CBY1: variants seen among roughly 807,000 people sequenced by gnomAD.
CBY1 encodes protein chibby homolog 1.
In CBY1, 10 loss-of-function variants were observed where a neutral mutation model predicts 15.6. That is an observed-to-expected ratio of 0.64 (90% CI 0.40 to 1.09). The LOEUF (loss-of-function observed/expected upper bound fraction) is 1.09, where lower values mean the gene tolerates loss of function less well. CBY1 is among the 50% of genes least tolerant of loss of function. CBY1 has a pLI of 0.01. For missense variants in CBY1, 150 were observed against 160.5 expected, an observed-to-expected ratio of 0.93 and a Z score of 0.35; for synonymous variants, 61 against 63.5, an observed-to-expected ratio of 0.96 and a Z score of 0.19.
chr22:38,667,927 C>G, intron 1 of CBY1, 90 bp from the exon 2 acceptor site: 1 of 674,632 alleles, frequency 1.5e-6, no homozygotes, highest in Non-Finnish European at 2.6e-6. Context: ...TTAGTAGCCA[C>G]ATGATAAAAT....
Position 38,656,646 on chromosome 22 carries a change from G to A in CBY1, c.-143G>A, listed in dbSNP as rs1390038105. On this transcript the variant is annotated 5_prime_UTR_variant, in exon 1 of 5. Transcript: ENST00000216029. ...GCCGGGCGGGGCAGCGCATGCGCGT[G>A]GCGGGCAGGCGGCAGGAGGCGGGTG... 1 of 152,448 alleles carries A rather than the reference G, an allele frequency of 6.6e-6. No homozygotes were observed. Among genetic ancestry groups the A allele is most frequent in the Non-Finnish European group, 1.5e-5 (1 of 68,260 alleles). 9.4% of individuals were successfully genotyped at this position (152,448 alleles called of 1,614,324 possible).
chr22:38,659,727 T>C (rs2092416351), intron 1 of CBY1, among the ~76,000 whole-genome samples: 1 of 151,758 alleles, frequency 6.6e-6, no homozygotes, highest in Admixed American at 6.6e-5. Context: ...CCAGGTGTGG[T>C]GGCAGGCGCC....
At chr22:38,665,949 G>A (rs2092434581) in intron 1 of CBY1, among the ~76,000 whole-genome samples, 1 of 151,612 alleles carries the variant, frequency 6.6e-6, no homozygotes, top group South Asian at 2.1e-4. Context: ...GCACAGAGCA[G>A]GGCTCTGTCT....
At position 38,656,667 on chromosome 22, in the gene CBY1, G is replaced by A. The variant is rs1303420290; in HGVS notation, c.-122G>A. Reference sequence around the variant, plus strand: ...GCGTGGCGGGCAGGCGGCAGGAGGCGGGTGGGTCAAGGTAACTCTGGGCTA... The same window carrying A: ...GCGTGGCGGGCAGGCGGCAGGAGGCAGGTGGGTCAAGGTAACTCTGGGCTA... On this transcript the variant is annotated 5_prime_UTR_variant, in exon 1 of 5. Coordinates refer to ENST00000216029, the MANE Select transcript of CBY1 (RefSeq NM_015373.4). 1 of 152,530 alleles carries A rather than the reference G, an allele frequency of 6.6e-6. No individual in the cohort carries two copies. Among genetic ancestry groups the A allele is most frequent in the Non-Finnish European group, 1.5e-5 (1 of 68,316 alleles). The allele number at this position is 152,530 out of a possible 1,614,324, so 9.4% of individuals were successfully genotyped here.
In CBY1 at chr22:38,673,028, T is replaced by C. The variant is rs563133315; in HGVS notation, c.304-131T>C. 4.8e-6 allele frequency: 3 copies of C among 623,998 alleles called. No homozygotes were observed. The Admixed American group carries it at 7.0e-5, about 15-fold the overall frequency. 38.7% of individuals were successfully genotyped at this position (623,998 alleles called of 1,614,324 possible). A position where few individuals can be genotyped will look rare whatever the true frequency, so the allele number is the denominator to read the frequency against. The stretch of plus-strand genomic sequence containing the variant: ...GCATTCTACCCAGTTACAGAGGGTT[T>C]CCCATCGAGGAAGCCAGCAGCATCA... On this transcript the variant is annotated intron_variant, in intron 4 of 4. Transcript: ENST00000216029.
intron 2 of CBY1, chr22:38,669,589 G>C (rs2092446620): frequency 6.6e-6 from 1 of 152,196 alleles, no homozygotes; most frequent in African/African-American, 2.4e-5. Context: ...CAAAGCATAG[G>C]CCTGGGATGG....
At position 38,673,560 on chromosome 22, in the gene CBY1, G is replaced by A. The variant is rs1487966488; in HGVS notation, c.*324G>A. 2.7e-5 allele frequency: 7 copies of A among 261,896 alleles called. No individual in the cohort carries two copies. Among genetic ancestry groups the A allele is most frequent in the Non-Finnish European group, 4.6e-5 (6 of 129,080 alleles). 16.2% of individuals were successfully genotyped at this position (261,896 alleles called of 1,614,324 possible). ...CACATGTCCCAGAATAGCTCTGTTGGGTTGTGTTGGGAGAAGCGGCTGGAG... is the reference window on the plus strand; with the variant it reads ...CACATGTCCCAGAATAGCTCTGTTGAGTTGTGTTGGGAGAAGCGGCTGGAG... On this transcript the variant is annotated 3_prime_UTR_variant, in exon 5 of 5. Transcript: ENST00000216029.
intron 2 of CBY1, among the ~76,000 whole-genome samples, chr22:38,669,117 C>G (rs1351987917): frequency 6.6e-6 from 1 of 152,236 alleles, no homozygotes; most frequent in Non-Finnish European, 1.5e-5. Context: ...TTTCCACATG[C>G]TGACAGGTAC....
intron 1 of CBY1, among the ~76,000 whole-genome samples, chr22:38,660,806 C>G (rs1252668959): frequency 6.6e-6 from 1 of 152,116 alleles, no homozygotes; most frequent in African/African-American, 2.4e-5. Flanking sequence ...GACACGATCT[C>G]CCTCACCGCA....
chr22:38,658,005 A>G (rs565281920), intron 1 of CBY1, among the ~76,000 whole-genome samples: 1 of 152,300 alleles, frequency 6.6e-6, no homozygotes, highest in South Asian at 2.1e-4. Flanking sequence ...AATTGTCACA[A>G]TTTGACCTTT....
chr22:38,658,996 C>T (rs1189634175), intron 1 of CBY1, among the ~76,000 whole-genome samples: 3 of 151,840 alleles, frequency 2.0e-5, no homozygotes, highest in South Asian at 2.1e-4. Flanking sequence ...AGTGCAGTGG[C>T]GCAATTTCTG....
intron 1 of CBY1, among the ~76,000 whole-genome samples, chr22:38,665,388 T>C (rs1302430089): frequency 1.3e-5 from 2 of 152,098 alleles, no homozygotes; most frequent in Non-Finnish European, 2.9e-5. Context: ...CACCTGAGCC[T>C]GGGAGGTTGA....
In CBY1 at chr22:38,668,150, G is replaced by C. The variant is rs763678577; in HGVS notation, c.78+18G>C. ...TGCATTCTGTGAGTGTCGGTACTGGGGTCGGCCGGGTGTGCAGCATGAGTT... is the reference window on the plus strand; with the variant it reads ...TGCATTCTGTGAGTGTCGGTACTGGCGTCGGCCGGGTGTGCAGCATGAGTT... On this transcript the variant is annotated intron_variant, in intron 2 of 4. Coordinates refer to ENST00000216029, the MANE Select transcript of CBY1 (RefSeq NM_015373.4). The C allele has an allele frequency of 6.8e-7, 1 of 1,467,542 alleles. No homozygotes were observed. The highest frequency in any genetic ancestry group is 1.1e-5 in the South Asian group (1 of 88,118). 90.9% of individuals were successfully genotyped at this position (1,467,542 alleles called of 1,614,324 possible).
intron 1 of CBY1, among the ~76,000 whole-genome samples, chr22:38,658,592 C>G (rs902921278): frequency 3.3e-5 from 5 of 151,884 alleles, no homozygotes; most frequent in Non-Finnish European, 7.4e-5. Flanking sequence ...TTCTGAGTAG[C>G]TGGGACTACG....
chr22:38,664,816 T>C (rs2092431557), intron 1 of CBY1, among the ~76,000 whole-genome samples: 1 of 152,198 alleles, frequency 6.6e-6, no homozygotes, highest in Non-Finnish European at 1.5e-5. Context: ...CATGTAGATA[T>C]ACATGCTCAA....
rs776956774 is a variant in CBY1 at position 38,670,836 on chromosome 22, G to C, written c.79-48G>C. On this transcript the variant is annotated intron_variant, in intron 2 of 4. Transcript: ENST00000216029. ...TTGGCGGAAGAGGAGCTGGGATGAA[G>C]GCGTGTTCCGGGCCTGCTGAAGTTG... is the stretch of plus-strand genomic sequence containing the variant. 8.1e-6 allele frequency: 10 copies of C among 1,237,434 alleles called. No individual in the cohort carries two copies. In the African/African-American group the frequency reaches 1.3e-4, roughly 16 times the overall value. The allele number at this position is 1,237,434 out of a possible 1,614,324, so 76.7% of individuals were successfully genotyped here.
At position 38,670,838 on chromosome 22, in the gene CBY1, C is replaced by T. The variant is rs375201376; in HGVS notation, c.79-46C>T. 1.7e-5 allele frequency: 21 copies of T among 1,267,180 alleles called. 1 individual carries two copies. Among genetic ancestry groups the T allele is most frequent in the Middle Eastern group, 3.8e-4 (2 of 5,234 alleles). The allele number at this position is 1,267,180 out of a possible 1,614,324, so 78.5% of individuals were successfully genotyped here. On this transcript the variant is annotated intron_variant, in intron 2 of 4. Transcript: ENST00000216029. The stretch of plus-strand genomic sequence containing the variant: ...GGCGGAAGAGGAGCTGGGATGAAGG[C>T]GTGTTCCGGGCCTGCTGAAGTTGTC...
At position 38,673,411 on chromosome 22, in the gene CBY1, G is replaced by C. The variant is rs2092458853; in HGVS notation, c.*175G>C. 1.1e-5 allele frequency: 6 copies of C among 539,172 alleles called. No homozygotes were observed. The East Asian group carries it at 1.3e-4, about 12-fold the overall frequency. The allele number at this position is 539,172 out of a possible 1,614,324, so 33.4% of individuals were successfully genotyped here. ...TGGAGAAAACCAAGATTCCAGATGG[G>C]GATAGTAACTAGAAGGTGCTTCAGA... On this transcript the variant is annotated 3_prime_UTR_variant, in exon 5 of 5. Transcript: ENST00000216029.
chr22:38,668,000 A>C lies in CBY1; in HGVS notation c.-38-17A>C. 1 of 1,491,554 alleles carries C rather than the reference A, an allele frequency of 6.7e-7. No homozygotes were observed. The highest frequency in any genetic ancestry group is 9.3e-7 in the Non-Finnish European group (1 of 1,070,850). 92.4% of individuals were successfully genotyped at this position (1,491,554 alleles called of 1,614,324 possible). On this transcript the variant is annotated splice_polypyrimidine_tract_variant and intron_variant, in intron 1 of 4. Coordinates refer to ENST00000216029, the MANE Select transcript of CBY1 (RefSeq NM_015373.4). The stretch of plus-strand genomic sequence containing the variant: ...AGTGATCCAGCTGCTTGTACCCCTG[A>C]CTTTTTCTGACCCTAGGAGAAGGGA...
Sources: allele counts gnomAD v4.1 joint callset (sites outside exome capture counted in the v4.1 genomes callset), GRCh38; gene constraint gnomAD v4.1.1; transcripts MANE v1.5; gene names NCBI Gene and HGNC (gene_info 2026-07-23, HGNC 2026-07-21).